The following FAAP20 variants were observed in gnomAD, a reference collection of about 807,000 sequenced individuals.
FAAP20 encodes Fanconi anemia core complex-associated protein 20.
In FAAP20, 12 loss-of-function variants were observed where a neutral mutation model predicts 16.2. That is an observed-to-expected ratio of 0.74 (90% CI 0.48 to 1.20). The LOEUF (loss-of-function observed/expected upper bound fraction) is 1.20. FAAP20 is among the 50% of genes most tolerant of loss of function. The pLI, the probability that FAAP20 is intolerant of heterozygous loss-of-function variation, is 0.00. For synonymous variants in FAAP20, 141 were observed against 110.7 expected, an observed-to-expected ratio of 1.27 and a Z score of -1.72; for missense variants, 288 against 245.8, an observed-to-expected ratio of 1.17 and a Z score of -1.15.
At chr1:2,192,882 G>A in intron 3 of FAAP20, 1 of 1,299,824 alleles carries the variant, frequency 7.7e-7, no homozygotes, top group South Asian at 1.2e-5. Flanking sequence ...TTACAGGCGT[G>A]AGCCACCGTG....
chr1:2,195,106 T>A (rs1050185220), upstream of FAAP20, among the ~76,000 whole-genome samples: 1 of 152,178 alleles, frequency 6.6e-6, no homozygotes, highest in Non-Finnish European at 1.5e-5. Flanking sequence ...CCGCCCCCGT[T>A]TCCGGCTCTG....
intron 3 of FAAP20, chr1:2,190,103 C>A (rs2100646033): frequency 1.8e-6 from 1 of 546,236 alleles, no homozygotes; most frequent in East Asian, 4.3e-5. Context: ...TGGAGCCCGG[C>A]AGACAGGCGG....
chr1:2,211,737 C>A (rs1689452720), downstream of FAAP20, among the ~76,000 whole-genome samples: 1 of 151,388 alleles, frequency 6.6e-6, no homozygotes, highest in East Asian at 2.0e-4. Flanking sequence ...GCATGAGCCA[C>A]CGTGCCCGGC....
chr1:2,202,548 A>T (rs1042027936), upstream of FAAP20, among the ~76,000 whole-genome samples: 4 of 152,034 alleles, frequency 2.6e-5, no homozygotes, highest in Admixed American at 6.6e-5. Context: ...ACTGCAACTG[A>T]TGCTTCCCTG....
intron 1 of FAAP20, 94 bp downstream of exon 1, chr1:2,194,594 C>G: frequency 1.5e-6 from 1 of 651,138 alleles, no homozygotes; most frequent in South Asian, 6.9e-5. Context: ...GAGCCCTCCC[C>G]AGGGGGAGAA....
At chr1:2,211,426 TATATA>T (rs1557797911), downstream of FAAP20, among the ~76,000 whole-genome samples, 1 of 32,852 alleles carries the variant, frequency 3.0e-5, no homozygotes, top group African/African-American at 1.9e-4. Flanking sequence ...TATATATATA[TATATA>T]TATATTTTTT....
chr1:2,187,852 G>A (rs972300193), downstream of FAAP20, among the ~76,000 whole-genome samples: 22 of 152,298 alleles, frequency 1.4e-4, no homozygotes, highest in African/African-American at 5.3e-4. Context: ...TGACAGTGTG[G>A]ATTCACCACT....
downstream of FAAP20, chr1:2,185,433 C>T (rs368374350): frequency 9.2e-4 from 664 of 718,746 alleles, 6 homozygotes; most frequent in African/African-American, 9.3e-3. Flanking sequence ...TGGCGCCTGC[C>T]CCACATCTCA....
At chr1:2,188,055 G>A (rs761854828), downstream of FAAP20, among the ~76,000 whole-genome samples, 3 of 152,058 alleles carry the variant, frequency 2.0e-5, no homozygotes, top group Non-Finnish European at 4.4e-5. Context: ...TGTTTTTTGC[G>A]GCCTATCTGA....
At chr1:2,198,173 T>C, upstream of FAAP20, 1 of 1,287,956 alleles carries the variant, frequency 7.8e-7, no homozygotes, top group Non-Finnish European at 1.0e-6. Flanking sequence ...TGGTTGGGAC[T>C]GACACGTGCA....
At chr1:2,198,716 G>T, upstream of FAAP20, 1 of 1,265,272 alleles carries the variant, frequency 7.9e-7, no homozygotes. Context: ...GTGGCTAAAT[G>T]GCCCAGCACC....
At chr1:2,193,091 G>A in intron 3 of FAAP20, 1 of 1,086,568 alleles carries the variant, frequency 9.2e-7, no homozygotes, top group Non-Finnish European at 1.2e-6. Context: ...CACCACCCCA[G>A]CCCCAGGACC....
At chr1:2,211,339 C>T (rs1161162307), downstream of FAAP20, among the ~76,000 whole-genome samples, 1 of 130,588 alleles carries the variant, frequency 7.7e-6, no homozygotes, top group African/African-American at 2.9e-5. Flanking sequence ...AAGTGATTCT[C>T]CTGCCTCAGC....
At chr1:2,196,540 C>CA (rs1203182062), upstream of FAAP20, among the ~76,000 whole-genome samples, 10,225 of 127,982 alleles carry the variant, frequency 0.08, 968 homozygotes, top group African/African-American at 0.24. This position sits in a 1 kb window ranked among gnomAD's most constrained non-coding sequence, Gnocchi z 4.5. Context: ...GACCCCAACT[C>CA]AAAAAAAAAA....
At chr1:2,200,631 T>G, upstream of FAAP20, 1 of 985,720 alleles carries the variant, frequency 1.0e-6, no homozygotes, top group Non-Finnish European at 1.2e-6. Context: ...GCTCCCAGTG[T>G]GTGGTCATTT....
chr1:2,206,712 AG>A (rs1689271715), intron 1 of FAAP20: 2 of 151,978 alleles, frequency 1.3e-5, no homozygotes, highest in African/African-American at 4.8e-5. Context: ...AGGTGCCTGT[AG>A]TCCTAGCTAC....
chr1:2,193,439 A>G, intron 3 of FAAP20, 200 bp downstream of exon 3: 3 of 795,126 alleles, frequency 3.8e-6, no homozygotes, highest in South Asian at 4.0e-5. Flanking sequence ...CTGCCCACAG[A>G]GCACGGCAAG....
chr1:2,198,216 C>A (rs550361890), upstream of FAAP20: 11 of 1,232,214 alleles, frequency 8.9e-6, no homozygotes, highest in African/African-American at 1.6e-4. Flanking sequence ...AGCCAAAATT[C>A]ATGTTTACAA....
chr1:2,199,146 C>A, upstream of FAAP20: 1 of 1,183,026 alleles, frequency 8.5e-7, no homozygotes, highest in East Asian at 6.0e-5. The surrounding 1 kb of genome is among the most constrained non-coding windows in gnomAD (Gnocchi z 4.5). Flanking sequence ...GACAGCGGTC[C>A]TGTTTCTGAA....
Sources: allele counts gnomAD v4.1 joint callset (sites outside exome capture counted in the v4.1 genomes callset), GRCh38; gene constraint gnomAD v4.1.1; non-coding constraint Gnocchi (gnomAD v3.1); transcripts MANE v1.5; gene names NCBI Gene and HGNC (gene_info 2026-07-23, HGNC 2026-07-21).